IGF1R: variants seen among roughly 807,000 people sequenced by gnomAD.
IGF1R encodes insulin like growth factor 1 receptor.
Under a neutral mutation model 144.6 loss-of-function variants are expected in IGF1R, and 44 were observed. The ratio of observed to expected loss-of-function variants is 0.30; its 90% CI spans 0.24 to 0.39. The LOEUF is 0.39. Ranked by LOEUF, IGF1R falls within the 10% of genes least tolerant of loss-of-function variation. The probability of loss-of-function intolerance (pLI) is 1.00; values close to 1 mark genes in which losing one functional copy is unlikely to be tolerated. For synonymous variants in IGF1R, 795 were observed against 722.8 expected (o/e 1.10, Z -1.60); for missense variants, 1,355 against 1,833.7 (o/e 0.74, Z 4.77).
intron 2 of IGF1R, among the ~76,000 whole-genome samples, chr15:98,737,587 A>T (rs767181085): frequency 9.9e-5 from 15 of 152,222 alleles, no homozygotes; most frequent in East Asian, 1.9e-4. Context: ...GAATTTTTTT[A>T]AAAATTTAAT....
intron 1 of IGF1R, among the ~76,000 whole-genome samples, chr15:98,693,645 A>G (rs1257871303): frequency 6.6e-6 from 1 of 152,042 alleles, no homozygotes; most frequent in African/African-American, 2.4e-5. Flanking sequence ...TTGCTTTGTC[A>G]CCCAGGCTGG....
chr15:98,742,520 A>G (rs2054770160), intron 2 of IGF1R, among the ~76,000 whole-genome samples: 1 of 152,158 alleles, frequency 6.6e-6, no homozygotes, highest in Non-Finnish European at 1.5e-5. Flanking sequence ...AACACTTTCC[A>G]AAGGGATTAA....
At chr15:98,821,504 A>T (rs1430468667) in intron 2 of IGF1R, among the ~76,000 whole-genome samples, 2 of 151,842 alleles carry the variant, frequency 1.3e-5, no homozygotes, top group African/African-American at 4.9e-5. Flanking sequence ...GCATTTTTGG[A>T]AGAGAGTCGA....
At chr15:98,761,704 C>T (rs2055300220) in intron 2 of IGF1R, among the ~76,000 whole-genome samples, 2 of 152,344 alleles carry the variant, frequency 1.3e-5, no homozygotes, top group South Asian at 2.1e-4. Flanking sequence ...TACCCGTGAG[C>T]TTGAACTGTT....
chr15:98,730,455 G>A (rs551746491), intron 2 of IGF1R, among the ~76,000 whole-genome samples: 2 of 152,228 alleles, frequency 1.3e-5, no homozygotes, highest in South Asian at 2.1e-4. Flanking sequence ...AGCAGCTAGC[G>A]GCTTAAAAAG....
chr15:98,813,240 A>G (rs2056629284), intron 2 of IGF1R, among the ~76,000 whole-genome samples: 1 of 152,108 alleles, frequency 6.6e-6, no homozygotes, highest in South Asian at 2.1e-4. Flanking sequence ...CAATGCTCAT[A>G]TGCAAAATAA....
intron 2 of IGF1R, among the ~76,000 whole-genome samples, chr15:98,735,859 C>T (rs944911993): frequency 6.6e-6 from 1 of 152,230 alleles, no homozygotes; most frequent in Admixed American, 6.5e-5. Context: ...TGTACTGCTT[C>T]TGGCTTCTCC....
At chr15:98,796,564 G>C (rs141322012) in intron 2 of IGF1R, among the ~76,000 whole-genome samples, 1 of 152,188 alleles carries the variant, frequency 6.6e-6, no homozygotes, top group African/African-American at 2.4e-5. Context: ...CAAACAGGGT[G>C]ACCTCTCTGG....
intron 2 of IGF1R, among the ~76,000 whole-genome samples, chr15:98,809,410 G>C (rs144637431): frequency 6.6e-6 from 1 of 152,192 alleles, no homozygotes; most frequent in Non-Finnish European, 1.5e-5. Flanking sequence ...CATGGAGTCA[G>C]TGTGAGTTCT....
intron 1 of IGF1R, among the ~76,000 whole-genome samples, chr15:98,659,457 C>G (rs1187081959): frequency 6.6e-6 from 1 of 152,006 alleles, no homozygotes; most frequent in Non-Finnish European, 1.5e-5. Flanking sequence ...TAATAGTGCC[C>G]CAAGGAGGAA....
intron 2 of IGF1R, among the ~76,000 whole-genome samples, chr15:98,888,425 G>GAC (rs2013743971): frequency 4.3e-4 from 4 of 9,406 alleles, no homozygotes; most frequent in Admixed American, 1.3e-3. Context: ...GGGGTTTGAT[G>GAC]AGAGAGAGAG....
At chr15:98,833,549 T>TG (rs2057039959) in intron 2 of IGF1R, among the ~76,000 whole-genome samples, 1 of 152,202 alleles carries the variant, frequency 6.6e-6, no homozygotes, top group Non-Finnish European at 1.5e-5. Flanking sequence ...AGTTGTAGTC[T>TG]AAAAATTTCC....
chr15:98,960,424 G>A lies in IGF1R; in HGVS notation c.*2982G>A, dbSNP rs1407539878. On this transcript the variant is annotated 3_prime_UTR_variant, in exon 21 of 21. Coordinates refer to ENST00000650285, the MANE Select transcript of IGF1R (RefSeq NM_000875.5). ...GGGAGCCACCAGGCTGTCCCTGGCT[G>A]GTTGTCTTTGGAACAAACTGCTTCT... 4.3e-6 allele frequency: 1 copy of A among 233,116 alleles called. No individual in the cohort carries two copies. Among genetic ancestry groups the A allele is most frequent in the East Asian group, 6.1e-5 (1 of 16,444 alleles). The allele number at this position is 233,116 out of a possible 1,614,324, so 14.4% of individuals were successfully genotyped here.
rs2052739346 is a variant in IGF1R, at chr15:98,666,405, A to G, written c.94+16730A>G. On this transcript the variant is annotated intron_variant, in intron 1 of 20. Coordinates refer to ENST00000650285, the MANE Select transcript of IGF1R (RefSeq NM_000875.5). ...TATATGCCCAAAAAGAAGTGAAAGCAGGGGCTCGAACAGATATTTGTACAC... is the reference window on the plus strand; with the variant it reads ...TATATGCCCAAAAAGAAGTGAAAGCGGGGGCTCGAACAGATATTTGTACAC... 2.0e-5 allele frequency among the ~76,000 whole-genome samples: 3 copies of G among 152,312 alleles called. No individual in the cohort carries two copies. In the South Asian group the frequency reaches 6.2e-4, roughly 32 times the overall value.
intron 2 of IGF1R, among the ~76,000 whole-genome samples, chr15:98,830,605 C>CTTTTTT (rs60426791): frequency 4.3e-4 from 58 of 135,946 alleles, no homozygotes; most frequent in Admixed American, 9.5e-4. Context: ...TGATCATCAT[C>CTTTTTT]TTTTTTTTTT....
Position 98,674,977 on chromosome 15 carries a change from A to ATTTTTTTTTTTTTTTTT in IGF1R, c.94+25310_94+25326dup, listed in dbSNP as rs71149408. Among the ~76,000 whole-genome samples, 15 of 98,900 alleles carry ATTTTTTTTTTTTTTTTT rather than the reference A, an allele frequency of 1.5e-4. 1 individual carries two copies. The highest frequency in any genetic ancestry group is 5.4e-4 in the African/African-American group (13 of 23,978). The allele number at this position is 98,900 out of a possible 152,430, so 64.9% of individuals were successfully genotyped here. A position where few individuals can be genotyped will look rare whatever the true frequency, so the allele number is the denominator to read the frequency against. The stretch of plus-strand genomic sequence containing the variant: ...AAATGCTAAATTTAGGTATTTTACA[A>ATTTTTTTTTTTTTTTTT]TTTTTTTTTTTTTTTTTTTTTTTTG... On this transcript the variant is annotated intron_variant, in intron 1 of 20. Coordinates refer to ENST00000650285, the MANE Select transcript of IGF1R (RefSeq NM_000875.5).
intron 5 of IGF1R, among the ~76,000 whole-genome samples, chr15:98,906,475 G>A (rs2014737979): frequency 1.3e-5 from 2 of 152,200 alleles, no homozygotes; most frequent in Non-Finnish European, 2.9e-5. Context: ...ATGGGCTTAT[G>A]ACACATCCAT....
At chr15:98,847,066 TC>T (rs2011356931) in intron 2 of IGF1R, among the ~76,000 whole-genome samples, 1 of 152,166 alleles carries the variant, frequency 6.6e-6, no homozygotes, top group Non-Finnish European at 1.5e-5. Flanking sequence ...AACCTCTACC[TC>T]CTGGGTTCAA....
chr15:98,837,582 C>T (rs1241985280), intron 2 of IGF1R, among the ~76,000 whole-genome samples: 2 of 152,072 alleles, frequency 1.3e-5, no homozygotes, highest in African/African-American at 2.4e-5. Flanking sequence ...CCAGTCTGGT[C>T]TCGAACTCCT....
Sources: gnomAD v4.1 joint callset for allele counts (sites outside exome capture counted in the v4.1 genomes callset) on GRCh38, gnomAD v4.1.1 for gene constraint, MANE v1.5 for transcripts, NCBI Gene and HGNC (gene_info 2026-07-23, HGNC 2026-07-21) for gene names.